OLFML2A: variants seen among roughly 807,000 people sequenced by gnomAD.
OLFML2A encodes the protein olfactomedin-like protein 2A.
A neutral mutation model predicts 60.9 loss-of-function variants in OLFML2A; 47 were observed. The observed-to-expected ratio is 0.77, with a 90% confidence interval of 0.61 to 0.98. The LOEUF (loss-of-function observed/expected upper bound fraction) is 0.98. OLFML2A is among the 50% of genes least tolerant of loss of function. The pLI is 0.00. For missense variants in OLFML2A, 922 were observed against 879.8 expected (o/e 1.05, Z -0.61); for synonymous variants, 372 against 375.0 (o/e 0.99, Z 0.09).
chr9:124,786,958 C>T lies in OLFML2A; in HGVS notation c.91-17C>T, dbSNP rs759891871. 4 of 1,601,166 alleles carry T rather than the reference C, an allele frequency of 2.5e-6. No individual in the cohort carries two copies. In the South Asian group the frequency reaches 4.4e-5, roughly 18 times the overall value. On this transcript the variant is annotated splice_polypyrimidine_tract_variant and intron_variant, in intron 1 of 7. Transcript: ENST00000373580. ...CTAGCAGCAACTCACTGGAGCCCCT[C>T]TTGCCCCCCGCAACAGGTGTTTGGG... is the stretch of plus-strand genomic sequence containing the variant.
intron 6 of OLFML2A, among the ~76,000 whole-genome samples, chr9:124,805,904 C>A (rs1841889763): frequency 7.2e-6 from 1 of 138,120 alleles, no homozygotes; most frequent in Non-Finnish European, 1.5e-5. Flanking sequence ...CAACCTCTGC[C>A]TCCTGAGCTC....
intron 1 of OLFML2A, among the ~76,000 whole-genome samples, chr9:124,786,291 C>A (rs530790932): frequency 9.2e-5 from 14 of 152,070 alleles, no homozygotes; most frequent in Non-Finnish European, 1.5e-4. Context: ...GGCATGGTGG[C>A]GCATGCCTGT....
At chr9:124,799,213 G>A (rs970264261) in intron 3 of OLFML2A, 72 bp from the exon 4 acceptor site, 9 of 1,100,762 alleles carry the variant, frequency 8.2e-6, no homozygotes, top group Non-Finnish European at 1.2e-5. Flanking sequence ...ACCAAAGCTG[G>A]GGTGTCCCTC....
intron 5 of OLFML2A, 55 bp from the exon 6 acceptor site, chr9:124,804,039 C>A: frequency 2.5e-6 from 4 of 1,588,586 alleles, no homozygotes; most frequent in Non-Finnish European, 3.4e-6. Flanking sequence ...CTTAGGGAGA[C>A]CCACACGGCA....
rs372921298 is a variant in OLFML2A at position 124,788,610 on chromosome 9, A to G, written c.354+1372A>G. On this transcript the variant is annotated intron_variant, in intron 2 of 7. Coordinates refer to ENST00000373580, the MANE Select transcript of OLFML2A (RefSeq NM_182487.4). ...AACAAGAGCAAGACTCCATCTCAAA[A>G]AAAAGAAAAGAAAAGAAAAGAAACC... Among the ~76,000 whole-genome samples, 81 of 152,250 alleles carry G rather than the reference A, an allele frequency of 5.3e-4. No individual in the cohort carries two copies. The East Asian group carries it at 8.9e-3, about 17-fold the overall frequency.
rs1842009162 is a variant in OLFML2A, at chr9:124,810,974, C to G, written c.*562C>G. On this transcript the variant is annotated 3_prime_UTR_variant, in exon 8 of 8. Transcript: ENST00000373580. ...CTGTTCTGGCTGAGCTGTTGGTGGC[C>G]CTGGGCTTTGGGCCCCTTAGCCAAT... The G allele has an allele frequency of 2.6e-5, 4 of 154,442 alleles. No individual in the cohort carries two copies. The highest frequency in any genetic ancestry group is 9.6e-5 in the African/African-American group (4 of 41,566). The allele number at this position is 154,442 out of a possible 1,614,324, so 9.6% of individuals were successfully genotyped here.
chr9:124,784,943 G>GTTTTTTTTTTTTTTTTATTTTTTTTTTT (rs1841430311), intron 1 of OLFML2A, among the ~76,000 whole-genome samples: 1 of 69,542 alleles, frequency 1.4e-5, no homozygotes, highest in Non-Finnish European at 2.5e-5. Context: ...CCTTTTACTT[G>GTTTTTTTTTTTTTTTTATTTTTTTTTTT]TTTTTTTTTT....
chr9:124,787,023 T>A lies in OLFML2A; in HGVS notation c.139T>A (p.Cys47Ser). ...GAGGATGACCTCGGAGGGCTCCGACTGCCGTTGCAAGTGCATCATGCGGCC... is the reference window on the plus strand; with the variant it reads ...GAGGATGACCTCGGAGGGCTCCGACAGCCGTTGCAAGTGCATCATGCGGCC... ...QVRMTSEGSD[C>S]RCKCIMRPLS... The change falls in exon 2 of 8, where the codon TGC (cysteine) becomes AGC (serine). Residue 47 changes from cysteine to serine, a missense_variant. Cys to Ser is a moderately radical substitution (Grantham distance 112). Transcript: ENST00000373580. The A allele has an allele frequency of 6.2e-7, 1 of 1,613,976 alleles. No homozygotes were observed. The highest frequency in any genetic ancestry group is 8.5e-7 in the Non-Finnish European group (1 of 1,179,988).
At chr9:124,778,880 G>T in intron 1 of OLFML2A, 3 of 790,606 alleles carry the variant, frequency 3.8e-6, no homozygotes, top group Non-Finnish European at 4.6e-6. Flanking sequence ...GTCACAGAGC[G>T]TGAGGGCAAA....
chr9:124,800,651 C>T (rs1841755876), intron 4 of OLFML2A, among the ~76,000 whole-genome samples: 2 of 152,228 alleles, frequency 1.3e-5, no homozygotes, highest in African/African-American at 4.8e-5. Context: ...GTGCCTTGGC[C>T]CCCAGCTGGC....
chr9:124,784,940 C>CTTTTTT (rs1461676348), intron 1 of OLFML2A, among the ~76,000 whole-genome samples: 9 of 50,048 alleles, frequency 1.8e-4, no homozygotes, highest in African/African-American at 5.9e-4. Context: ...ATTCCTTTTA[C>CTTTTTT]TTGTTTTTTT....
rs1159090441 is a variant in OLFML2A at position 124,809,905 on chromosome 9, G to A, written c.1452G>A (p.Lys484=). The A allele has an allele frequency of 6.2e-7, 1 of 1,614,216 alleles. No homozygotes were observed. The highest frequency in any genetic ancestry group is 1.1e-5 in the South Asian group (1 of 91,090). Residue 484 remains lysine (K), a synonymous_variant, in exon 8 of 8, where the codon AAG becomes AAA. Coordinates refer to ENST00000373580, the MANE Select transcript of OLFML2A (RefSeq NM_182487.4). ...GAFYYNRAFT[K]NIIKYDLRQR... ...TCTACTACAACCGCGCCTTCACCAA[G>A]AACATCATCAAGTACGACCTACGGC...
chr9:124,805,558 T>C (rs1841875884), intron 6 of OLFML2A, among the ~76,000 whole-genome samples: 1 of 152,004 alleles, frequency 6.6e-6, no homozygotes, highest in Non-Finnish European at 1.5e-5. Flanking sequence ...TGACTGTACA[T>C]GCAAAGAAAA....
chr9:124,804,186 G>A lies in OLFML2A; in HGVS notation c.1012G>A (p.Asp338Asn). The change falls in exon 6 of 8, where the codon GAT becomes AAT. Residue 338 changes from aspartate to asparagine, a missense_variant. By Grantham distance (23) the Asp-to-Asn change is conservative. Coordinates refer to ENST00000373580, the MANE Select transcript of OLFML2A (RefSeq NM_182487.4). ...CGCAGAGCCCAACTCCGCAGAGCAG[G>A]ATGAGGCTGAGCCCAGGTCCTCCGA... ...NSAEPNSAEQ[D>N]EAEPRSSERV... 1 of 1,614,132 alleles carries A rather than the reference G, an allele frequency of 6.2e-7. No individual in the cohort carries two copies. The highest frequency in any genetic ancestry group is 8.5e-7 in the Non-Finnish European group (1 of 1,180,012).
At chr9:124,784,943 G>GTTGTTTTTTTTTTTTTTTT (rs1841429446) in intron 1 of OLFML2A, among the ~76,000 whole-genome samples, 3 of 69,542 alleles carry the variant, frequency 4.3e-5, no homozygotes, top group Admixed American at 2.0e-4. Flanking sequence ...CCTTTTACTT[G>GTTGTTTTTTTTTTTTTTTT]TTTTTTTTTT....
chr9:124,786,933 C>A, intron 1 of OLFML2A, 42 bp from the exon 2 acceptor site: 1 of 1,580,392 alleles, frequency 6.3e-7, no homozygotes, highest in South Asian at 1.2e-5. Context: ...ATAGCACTGC[C>A]TAGCAGCAAC....
rs115522675 is a variant in OLFML2A, at chr9:124,812,609, C to T, written c.*2197C>T. The T allele has an allele frequency of 7.2e-3, 1,104 of 153,530 alleles. 15 individuals carry two copies. The highest frequency in any genetic ancestry group is 0.025 in the African/African-American group (1,031 of 41,580). 9.5% of individuals were successfully genotyped at this position (153,530 alleles called of 1,614,324 possible). A position where few individuals can be genotyped will look rare whatever the true frequency, so the allele number is the denominator to read the frequency against. On this transcript the variant is annotated 3_prime_UTR_variant, in exon 8 of 8. Coordinates refer to ENST00000373580, the MANE Select transcript of OLFML2A (RefSeq NM_182487.4). ...ATCATGGTCACATCCAGCCCCCACCCCCGGCCAACTAACCACTGCAGGCTC... is the reference window on the plus strand; with the variant it reads ...ATCATGGTCACATCCAGCCCCCACCTCCGGCCAACTAACCACTGCAGGCTC...
rs2084426431 is a variant in OLFML2A at position 124,810,162 on chromosome 9, T to G, written c.1709T>G (p.Leu570Arg). The change falls in exon 8 of 8, where the codon CTG becomes CGG. Residue 570 changes from leucine (L) to arginine (R), a missense_variant. Physicochemically the swap from Leu to Arg is moderately radical, Grantham distance 102 (BLOSUM62 -2). Transcript: ENST00000373580. ...VHRETTWKTR[L>R]RRNSYGNCFL... ...CGGGAGACCACGTGGAAGACACGGC[T>G]GCGGCGGAACTCCTACGGGAACTGC... 1 of 1,613,772 alleles carries G rather than the reference T, an allele frequency of 6.2e-7. No individual in the cohort carries two copies. Among genetic ancestry groups the G allele is most frequent in the Admixed American group, 1.7e-5 (1 of 59,988 alleles).
At chr9:124,799,140 C>T in intron 3 of OLFML2A, 145 bp from the exon 4 acceptor site, 1 of 581,950 alleles carries the variant, frequency 1.7e-6, no homozygotes, top group Non-Finnish European at 3.1e-6. Flanking sequence ...GCCTATTTTT[C>T]CTGCTCATGC....
Sources: allele counts gnomAD v4.1 joint callset (sites outside exome capture counted in the v4.1 genomes callset), GRCh38; gene constraint gnomAD v4.1.1; transcripts MANE v1.5; gene names NCBI Gene and HGNC (gene_info 2026-07-23, HGNC 2026-07-21).